KCNJ3: variants seen among roughly 807,000 people sequenced by gnomAD.
The protein encoded by KCNJ3 is G protein-activated inward rectifier potassium channel 1.
In KCNJ3, 4 loss-of-function variants were observed where a neutral mutation model predicts 39.2. That is an observed-to-expected ratio of 0.10 (90% confidence interval 0.05 to 0.23). The LOEUF is 0.23. Ranked by LOEUF, KCNJ3 falls within the 10% of genes least tolerant of loss-of-function variation. The pLI, the probability that KCNJ3 is intolerant of heterozygous loss-of-function variation, is 1.00. For synonymous variants in KCNJ3, 230 were observed against 237.4 expected (o/e 0.97, Z 0.29); for missense variants, 276 against 634.9 (o/e 0.43, Z 6.08).
chr2:154,830,484 G>GA (rs1316089718), intron 2 of KCNJ3, among the ~76,000 whole-genome samples: 1 of 152,052 alleles, frequency 6.6e-6, no homozygotes, highest in Non-Finnish European at 1.5e-5. Context: ...AAGAGCCTCG[G>GA]AAAAAACAAT....
Position 154,855,394 on chromosome 2 carries a change from A to C in KCNJ3, c.*81A>C. ...GGCGATGAGGTAATTCTCCCTAAGG[A>C]ATCTGAAAGTATATTTTCCTCCCAG... On this transcript the variant is annotated 3_prime_UTR_variant, in exon 3 of 3. Coordinates refer to ENST00000295101, the MANE Select transcript of KCNJ3 (RefSeq NM_002239.4). 1.1e-6 allele frequency: 1 copy of C among 929,636 alleles called. No individual in the cohort carries two copies. Among genetic ancestry groups the C allele is most frequent in the Non-Finnish European group, 1.6e-6 (1 of 625,024 alleles). The allele number at this position is 929,636 out of a possible 1,614,324, so 57.6% of individuals were successfully genotyped here. A position where few individuals can be genotyped will look rare whatever the true frequency, so the allele number is the denominator to read the frequency against.
Position 154,769,731 on chromosome 2 carries a change from C to T in KCNJ3, c.919+59912C>T, listed in dbSNP as rs186287332. The stretch of plus-strand genomic sequence containing the variant: ...GGGTTAGGGAGGATTCCCTCTTTTT[C>T]TATTGATTGGAATAGTTTCAGAAGG... On this transcript the variant is annotated intron_variant, in intron 2 of 2. Coordinates refer to ENST00000295101, the MANE Select transcript of KCNJ3 (RefSeq NM_002239.4). Among the ~76,000 whole-genome samples the T allele has an allele frequency of 1.6e-4, 24 of 152,070 alleles. No homozygotes were observed. The East Asian group carries it at 4.7e-3, about 29-fold the overall frequency.
At chr2:154,724,099 A>C (rs1294986488) in intron 2 of KCNJ3, among the ~76,000 whole-genome samples, 1 of 152,174 alleles carries the variant, frequency 6.6e-6, no homozygotes, top group Non-Finnish European at 1.5e-5. Context: ...GTGAAGAAAA[A>C]ACAAAATATC....
At chr2:154,817,626 A>G (rs543695962) in intron 2 of KCNJ3, among the ~76,000 whole-genome samples, 1 of 152,262 alleles carries the variant, frequency 6.6e-6, no homozygotes, top group African/African-American at 2.4e-5. Flanking sequence ...TCTTTCTCTT[A>G]AGGGACTGTT....
chr2:154,699,518 C>T lies in KCNJ3; in HGVS notation c.702+41C>T, dbSNP rs1684848351. The T allele has an allele frequency of 1.3e-6, 2 of 1,515,786 alleles. No homozygotes were observed. Among genetic ancestry groups the T allele is most frequent in the Non-Finnish European group, 1.8e-6 (2 of 1,134,888 alleles). 93.9% of individuals were successfully genotyped at this position (1,515,786 alleles called of 1,614,324 possible). On this transcript the variant is annotated intron_variant, in intron 1 of 2. Transcript: ENST00000295101. The surrounding 1 kb of genome is among the most constrained non-coding windows in gnomAD (Gnocchi z 6.4). ...CCCTTCCCCACCGGGAGACCTGCGT[C>T]CCCCAAACCCGCGGAGTAACTCGTC...
At chr2:154,783,897 G>A (rs1053765409) in intron 2 of KCNJ3, among the ~76,000 whole-genome samples, 1 of 152,132 alleles carries the variant, frequency 6.6e-6, no homozygotes, top group Non-Finnish European at 1.5e-5. Context: ...ATTATTGATT[G>A]AATTAGATGC....
At chr2:154,830,963 G>A (rs755559780) in intron 2 of KCNJ3, among the ~76,000 whole-genome samples, 3 of 152,236 alleles carry the variant, frequency 2.0e-5, no homozygotes, top group Non-Finnish European at 2.9e-5. Flanking sequence ...TTCCTAGCCA[G>A]CCTTCCTCAC....
chr2:154,727,307 C>T (rs532369349), intron 2 of KCNJ3, among the ~76,000 whole-genome samples: 89 of 151,924 alleles, frequency 5.9e-4, no homozygotes, highest in African/African-American at 1.8e-3. Context: ...CATGAATGGC[C>T]GTGTGTGGTG....
chr2:154,806,471 C>A (rs560273314), intron 2 of KCNJ3, among the ~76,000 whole-genome samples: 12 of 152,302 alleles, frequency 7.9e-5, no homozygotes, highest in African/African-American at 2.6e-4. Flanking sequence ...AGGGAGCACA[C>A]AGTTACATGG....
chr2:154,845,594 A>AAAT (rs1484464253), intron 2 of KCNJ3, among the ~76,000 whole-genome samples: 9 of 152,218 alleles, frequency 5.9e-5, no homozygotes, highest in African/African-American at 2.2e-4. Flanking sequence ...ATGCTTTAAT[A>AAAT]AATACCATAA....
intron 2 of KCNJ3, among the ~76,000 whole-genome samples, chr2:154,806,787 G>T (rs1686918140): frequency 6.6e-6 from 1 of 152,134 alleles, no homozygotes; most frequent in South Asian, 2.1e-4. Flanking sequence ...TCCAGATTCA[G>T]CTACCTGAGC....
chr2:154,751,245 GT>G (rs765535814), intron 2 of KCNJ3, among the ~76,000 whole-genome samples: 69 of 151,940 alleles, frequency 4.5e-4, no homozygotes, highest in Non-Finnish European at 1.2e-4. Flanking sequence ...TTTGGCCTAT[GT>G]TTTTAATATA....
At chr2:154,772,370 G>A (rs1486269269) in intron 2 of KCNJ3, among the ~76,000 whole-genome samples, 2 of 152,158 alleles carry the variant, frequency 1.3e-5, no homozygotes, top group African/African-American at 4.8e-5. Context: ...TAAAGGCTGA[G>A]AGTCACTATG....
Position 154,855,774 on chromosome 2 carries a change from T to C in KCNJ3, c.*461T>C, listed in dbSNP as rs931766915. On this transcript the variant is annotated 3_prime_UTR_variant, in exon 3 of 3. Transcript: ENST00000295101. The stretch of plus-strand genomic sequence containing the variant: ...GTATACACACATATACATATATATA[T>C]ACACATACATACACATACATACATA... 6 of 152,394 alleles carry C rather than the reference T, an allele frequency of 3.9e-5. No homozygotes were observed. Among genetic ancestry groups the C allele is most frequent in the African/African-American group, 7.3e-5 (3 of 41,356 alleles). 9.4% of individuals were successfully genotyped at this position (152,394 alleles called of 1,614,324 possible). A position where few individuals can be genotyped will look rare whatever the true frequency, so the allele number is the denominator to read the frequency against.
chr2:154,733,919 G>A (rs1685483427), intron 2 of KCNJ3, among the ~76,000 whole-genome samples: 1 of 152,030 alleles, frequency 6.6e-6, no homozygotes, highest in Non-Finnish European at 1.5e-5. Context: ...GTTGGGGTTT[G>A]GTGTGCCTAA....
intron 2 of KCNJ3, among the ~76,000 whole-genome samples, chr2:154,759,353 A>C (rs2921438): frequency 0.5 from 75,495 of 150,322 alleles, 19,065 homozygotes; most frequent in African/African-American, 0.53. Context: ...TAGAAGTCTT[A>C]TTTTTACAAC....
intron 2 of KCNJ3, among the ~76,000 whole-genome samples, chr2:154,825,875 GT>G (rs1343997724): frequency 0.036 from 4,867 of 134,412 alleles, 93 homozygotes; most frequent in Non-Finnish European, 0.04. Flanking sequence ...CACTGCACCT[GT>G]TTTTTTTTTT....
At chr2:154,701,631 G>A (rs35911455) in intron 1 of KCNJ3, among the ~76,000 whole-genome samples, 1,842 of 152,062 alleles carry the variant, frequency 0.012, 12 homozygotes, top group Non-Finnish European at 0.02. Flanking sequence ...GTATAGTGTC[G>A]ACAAATTTGG....
At chr2:154,802,982 C>CTGAAACCAA (rs1450147157) in intron 2 of KCNJ3, among the ~76,000 whole-genome samples, 5 of 151,850 alleles carry the variant, frequency 3.3e-5, no homozygotes, top group African/African-American at 1.2e-4. Context: ...CTTCAAGGCT[C>CTGAAACCAA]TGAAACCAAT....
Sources: gnomAD v4.1 joint callset for allele counts (sites outside exome capture counted in the v4.1 genomes callset) on GRCh38, gnomAD v4.1.1 for gene constraint, Gnocchi (gnomAD v3.1) non-coding constraint, MANE v1.5 for transcripts, NCBI Gene and HGNC (gene_info 2026-07-23, HGNC 2026-07-21) for gene names.